SEMA5A: variants seen among roughly 807,000 people sequenced by gnomAD.
SEMA5A encodes semaphorin-5A.
Under a neutral mutation model 135.5 loss-of-function variants are expected in SEMA5A, and 55 were observed. That is an observed-to-expected ratio of 0.41 (90% CI 0.33 to 0.51). The LOEUF (loss-of-function observed/expected upper bound fraction) is 0.51. Among genes scored for constraint, SEMA5A ranks in the 20% least tolerant of loss-of-function variants. The pLI, the probability that SEMA5A is intolerant of heterozygous loss-of-function variation, is 0.37. For synonymous variants in SEMA5A, 580 were observed against 546.5 expected (o/e 1.06, Z -0.85); for missense variants, 1,290 against 1,419.9 (o/e 0.91, Z 1.47).
At chr5:9,158,615 A>G (rs1175167593) in intron 11 of SEMA5A, among the ~76,000 whole-genome samples, 1 of 152,096 alleles carries the variant, frequency 6.6e-6, no homozygotes, top group Non-Finnish European at 1.5e-5. Context: ...GGATGCTCAG[A>G]ATGGACACTG....
chr5:9,126,410 T>C (rs539768372), intron 13 of SEMA5A, among the ~76,000 whole-genome samples: 1 of 152,146 alleles, frequency 6.6e-6, no homozygotes, highest in Admixed American at 6.5e-5. Flanking sequence ...GGCAGAGAGT[T>C]AGTGGGGAGG....
rs143021908 is a variant in SEMA5A, at chr5:9,507,128, A to G, written c.-175+38456T>C. On this transcript the variant is annotated intron_variant, in intron 1 of 22. Transcript: ENST00000382496. Reference sequence around the variant, plus strand: ...AATGACATGGGTGTGTTTCATTGCAATTAGGTTTAATCATGTTTTCTCACT... The same window carrying G: ...AATGACATGGGTGTGTTTCATTGCAGTTAGGTTTAATCATGTTTTCTCACT... Among the ~76,000 whole-genome samples, 8 of 152,338 alleles carry G rather than the reference A, an allele frequency of 5.3e-5. No homozygotes were observed. In the East Asian group the frequency reaches 1.4e-3, roughly 26 times the overall value.
intron 20 of SEMA5A, among the ~76,000 whole-genome samples, chr5:9,051,605 T>C (rs1438485839): frequency 6.6e-6 from 1 of 152,166 alleles, no homozygotes; most frequent in African/African-American, 2.4e-5. Context: ...AATATTTTCA[T>C]TTTTTTGAGC....
intron 5 of SEMA5A, among the ~76,000 whole-genome samples, chr5:9,251,765 G>A (rs1200382533): frequency 6.6e-6 from 1 of 152,186 alleles, no homozygotes; most frequent in Non-Finnish European, 1.5e-5. Flanking sequence ...TATTGGGAAA[G>A]TTAGTCCAAA....
chr5:9,170,750 T>C (rs1743874817), intron 11 of SEMA5A, among the ~76,000 whole-genome samples: 1 of 152,170 alleles, frequency 6.6e-6, no homozygotes, highest in African/African-American at 2.4e-5. Context: ...CCCCCAGCAC[T>C]ATGAGAAATA....
chr5:9,433,611 T>C (rs2126662037), intron 2 of SEMA5A, among the ~76,000 whole-genome samples: 1 of 147,828 alleles, frequency 6.8e-6, no homozygotes, highest in East Asian at 2.2e-4. Flanking sequence ...CTCCTTCCCT[T>C]CCTCCTTTCT....
chr5:9,346,914 G>GTGTATATATATATA (rs869195474), intron 3 of SEMA5A, among the ~76,000 whole-genome samples: 2 of 99,170 alleles, frequency 2.0e-5, no homozygotes, highest in African/African-American at 7.8e-5. Flanking sequence ...GTGTGTGTGT[G>GTGTATATATATATA]TATATATATA....
intron 2 of SEMA5A, among the ~76,000 whole-genome samples, chr5:9,417,006 C>T (rs1757305222): frequency 6.6e-6 from 1 of 152,188 alleles, no homozygotes; most frequent in African/African-American, 2.4e-5. Context: ...AATCTCTTAC[C>T]ACTGAAATGT....
At chr5:9,507,187 C>T (rs1264077004) in intron 1 of SEMA5A, among the ~76,000 whole-genome samples, 7 of 152,130 alleles carry the variant, frequency 4.6e-5, no homozygotes, top group African/African-American at 1.2e-4. Context: ...ACATGGAAGG[C>T]GTGATTGAGT....
At chr5:9,224,132 C>G (rs552308409) in intron 8 of SEMA5A, among the ~76,000 whole-genome samples, 15 of 152,168 alleles carry the variant, frequency 9.9e-5, no homozygotes, top group African/African-American at 3.4e-4. Flanking sequence ...AGTGAATACT[C>G]GCCTCCTTAT....
intron 1 of SEMA5A, among the ~76,000 whole-genome samples, chr5:9,475,827 T>C (rs774159744): frequency 1.1e-4 from 17 of 152,200 alleles, no homozygotes; most frequent in Non-Finnish European, 2.2e-4. Context: ...TGATTAAAAG[T>C]GTTCACGTTT....
At chr5:9,294,214 G>A (rs1312700962) in intron 5 of SEMA5A, among the ~76,000 whole-genome samples, 5 of 152,044 alleles carry the variant, frequency 3.3e-5, no homozygotes, top group Non-Finnish European at 7.4e-5. Flanking sequence ...TCTCAGCTCG[G>A]CTGCAGCCAC....
At position 9,035,979 on chromosome 5, in the gene SEMA5A, A is replaced by AT. The variant is rs386402981; in HGVS notation, c.*6917_*6918insA. On this transcript the variant is annotated 3_prime_UTR_variant, in exon 23 of 23. Transcript: ENST00000382496. ...TTTCACAAAAAAAAAAAAAAAAAAAAATCTCAAGTTTATTTTGTGTTCACA... is the reference window on the plus strand; with the variant it reads ...TTTCACAAAAAAAAAAAAAAAAAAAATATCTCAAGTTTATTTTGTGTTCACA... 1.3e-5 allele frequency: 2 copies of AT among 151,642 alleles called. No individual in the cohort carries two copies. The highest frequency in any genetic ancestry group is 2.9e-5 in the Non-Finnish European group (2 of 67,980). 9.4% of individuals were successfully genotyped at this position (151,642 alleles called of 1,614,324 possible). A position where few individuals can be genotyped will look rare whatever the true frequency, so the allele number is the denominator to read the frequency against.
chr5:9,190,251 G>C lies in SEMA5A; in HGVS notation c.1273+16C>G, dbSNP rs915815472. ...AAGATGGTAGAAAACCCCTCAGAGG[G>C]GGCCAGAGCTCCTACCTGTGGCCAA... is the stretch of plus-strand genomic sequence containing the variant. On this transcript the variant is annotated intron_variant, in intron 11 of 22. Transcript: ENST00000382496. The C allele has an allele frequency of 6.2e-6, 10 of 1,611,362 alleles. No individual in the cohort carries two copies. Among genetic ancestry groups the C allele is most frequent in the Non-Finnish European group, 8.5e-6 (10 of 1,177,948 alleles).
intron 2 of SEMA5A, among the ~76,000 whole-genome samples, chr5:9,408,681 T>C (rs1756990957): frequency 6.6e-6 from 1 of 152,158 alleles, no homozygotes; most frequent in African/African-American, 2.4e-5. Context: ...TCATTTTTCA[T>C]ATGAAGAAAC....
intron 1 of SEMA5A, among the ~76,000 whole-genome samples, chr5:9,445,494 C>A (rs963963517): frequency 6.6e-6 from 1 of 151,970 alleles, no homozygotes; most frequent in East Asian, 1.9e-4. Flanking sequence ...ACAGTGAAAC[C>A]CTGTCTCTAC....
chr5:9,497,857 G>A (rs73036782), intron 1 of SEMA5A, among the ~76,000 whole-genome samples: 3,266 of 152,100 alleles, frequency 0.021, 128 homozygotes, highest in African/African-American at 0.073. Flanking sequence ...TTGGTCTGTC[G>A]TTTGACTCTT....
At chr5:9,078,525 CAA>C (rs35803675) in intron 16 of SEMA5A, among the ~76,000 whole-genome samples, 2 of 130,994 alleles carry the variant, frequency 1.5e-5, no homozygotes, top group Non-Finnish European at 3.3e-5. Context: ...CTTTGAAGGA[CAA>C]AAAAAAAAAG....
intron 16 of SEMA5A, among the ~76,000 whole-genome samples, chr5:9,069,914 A>G (rs1737683445): frequency 6.6e-6 from 1 of 152,222 alleles, no homozygotes; most frequent in African/African-American, 2.4e-5. Flanking sequence ...ACCACATGAC[A>G]GGAAAGCCAT....
Sources: allele counts gnomAD v4.1 joint callset (sites outside exome capture counted in the v4.1 genomes callset), GRCh38; gene constraint gnomAD v4.1.1; transcripts MANE v1.5; gene names NCBI Gene and HGNC (gene_info 2026-07-23, HGNC 2026-07-21).